The following SLC35F5 variants were observed in gnomAD, a reference collection of about 807,000 sequenced individuals.
The protein encoded by SLC35F5 is HCV NS5A-transactivated protein 3.
Under a neutral mutation model 68.6 loss-of-function variants are expected in SLC35F5, and 54 were observed. The observed-to-expected ratio is 0.79, with a 90% CI of 0.63 to 0.99. The LOEUF is 0.99. Ranked by LOEUF, SLC35F5 falls within the 50% of genes least tolerant of loss-of-function variation. The pLI is 0.00. For missense variants in SLC35F5, 567 were observed against 626.9 expected, an observed-to-expected ratio of 0.90 and a Z score of 1.02; for synonymous variants, 211 against 205.2, an observed-to-expected ratio of 1.03 and a Z score of -0.24.
At chr2:113,754,466 T>G (rs906344731) in intron 3 of SLC35F5, among the ~76,000 whole-genome samples, 1 of 152,182 alleles carries the variant, frequency 6.6e-6, no homozygotes, top group African/African-American at 2.4e-5. Flanking sequence ...AATTGCAACG[T>G]AGAAGTTGAA....
At position 113,742,539 on chromosome 2, in the gene SLC35F5, A is replaced by AC. The variant is rs574893240; in HGVS notation, c.750+152dup. 1.8e-4 allele frequency: 125 copies of AC among 693,702 alleles called. No individual in the cohort carries two copies. The African/African-American group carries it at 2.2e-3, about 12-fold the overall frequency. 43.0% of individuals were successfully genotyped at this position (693,702 alleles called of 1,614,324 possible). ...ATATCAAGCATTTATTAATTTTGAT[A>AC]CCCTAACTTCCTACCGGTATCAAAT... is the stretch of plus-strand genomic sequence containing the variant. On this transcript the variant is annotated intron_variant, in intron 7 of 15. Transcript: ENST00000245680.
chr2:113,755,798 C>G lies in SLC35F5; in HGVS notation c.41-254G>C, dbSNP rs1462541308. 4 of 1,495,606 alleles carry G rather than the reference C, an allele frequency of 2.7e-6. No homozygotes were observed. In the East Asian group the frequency reaches 9.8e-5, roughly 37 times the overall value. The allele number at this position is 1,495,606 out of a possible 1,614,324, so 92.6% of individuals were successfully genotyped here. A position where few individuals can be genotyped will look rare whatever the true frequency, so the allele number is the denominator to read the frequency against. On this transcript the variant is annotated intron_variant, in intron 1 of 15. Transcript: ENST00000245680. ...ATACAACATACGGCACATTTAAGAA[C>G]AGTTAACTACCAGAAAATAGCTTCT...
In SLC35F5 at chr2:113,734,630, AC is replaced by A; in HGVS notation, c.875del (p.Ser292MetfsTer11). On this transcript the variant is annotated frameshift_variant, in exon 9 of 16. Coordinates refer to ENST00000245680, the MANE Select transcript of SLC35F5 (RefSeq NM_025181.5). LOFTEE classifies it high-confidence loss of function. ...LILAAVFPSNSGDRFTLSKLL... is the reference protein window; with the variant it reads ...LILAAVFPSNXGDRFTLSKLL... ...GTTTAGAAAGGGTAAATCTATCTCC[AC>A]TGTTACTTGGAAATACTGCAGCAAG... 1 of 1,607,102 alleles carries A rather than the reference AC, an allele frequency of 6.2e-7. No individual in the cohort carries two copies. The highest frequency in any genetic ancestry group is 1.1e-5 in the South Asian group (1 of 90,646).
chr2:113,730,984 A>T (rs2104436179), intron 10 of SLC35F5, among the ~76,000 whole-genome samples: 1 of 152,332 alleles, frequency 6.6e-6, no homozygotes, highest in Admixed American at 6.5e-5. Flanking sequence ...CTTAAAATTA[A>T]CATTACCAGC....
At position 113,725,533 on chromosome 2, in the gene SLC35F5, A is replaced by G. The variant is rs1376272333; in HGVS notation, c.1095T>C (p.Phe365=). 6.3e-7 allele frequency: 1 copy of G among 1,577,480 alleles called. No homozygotes were observed. Among genetic ancestry groups the G allele is most frequent in the Non-Finnish European group, 8.5e-7 (1 of 1,170,788 alleles). The change falls in exon 12 of 16, where the codon TTT becomes TTC. Residue 365 remains phenylalanine, a synonymous_variant. Coordinates refer to ENST00000245680, the MANE Select transcript of SLC35F5 (RefSeq NM_025181.5). ...DKLDIPMFFG[F]VGLFNLLLLW... Reference sequence around the variant, plus strand: ...AGAGCAGCAGATTAAACAAACCTACAAAACCTGAACATGTATAAAAGAGAC... The same window carrying G: ...AGAGCAGCAGATTAAACAAACCTACGAAACCTGAACATGTATAAAAGAGAC...
chr2:113,753,310 C>A (rs1431365472), intron 3 of SLC35F5, among the ~76,000 whole-genome samples: 1 of 149,320 alleles, frequency 6.7e-6, no homozygotes, highest in Non-Finnish European at 1.5e-5. Flanking sequence ...TCCAGAGTAA[C>A]TGGGATTACA....
In SLC35F5 at chr2:113,709,055, C is replaced by A. The variant is rs905816630; in HGVS notation, c.*6163G>T. On this transcript the variant is annotated 3_prime_UTR_variant, in exon 16 of 16. Coordinates refer to ENST00000245680, the MANE Select transcript of SLC35F5 (RefSeq NM_025181.5). Reference sequence around the variant, plus strand: ...AAACCTTATTTAAGGAGTCAAGATGCTGAACACCCTAACAAAAGCAAAAAC... The same window carrying A: ...AAACCTTATTTAAGGAGTCAAGATGATGAACACCCTAACAAAAGCAAAAAC... Among the ~76,000 whole-genome samples the A allele has an allele frequency of 1.3e-5, 2 of 152,236 alleles. No homozygotes were observed. Among genetic ancestry groups the A allele is most frequent in the Non-Finnish European group, 1.5e-5 (1 of 68,048 alleles).
chr2:113,730,019 T>G (rs1375183175), intron 10 of SLC35F5, among the ~76,000 whole-genome samples: 2 of 152,206 alleles, frequency 1.3e-5, no homozygotes, highest in Non-Finnish European at 2.9e-5. Context: ...CAAAGCATCC[T>G]CTTTCTAATC....
chr2:113,751,804 C>G (rs1381036833), intron 3 of SLC35F5, among the ~76,000 whole-genome samples: 1 of 136,758 alleles, frequency 7.3e-6, no homozygotes. Flanking sequence ...CAGCGTGAGA[C>G]TCTGTCCCCA....
Position 113,745,940 on chromosome 2 carries a change from T to C in SLC35F5, c.480+337A>G, listed in dbSNP as rs113883031. ...GGAACAAACGAATAATTTGCCTATA[T>C]AGTCTCAGTGTCAAAAATATTTGTT... On this transcript the variant is annotated intron_variant, in intron 5 of 15. Transcript: ENST00000245680. 1.6e-3 allele frequency among the ~76,000 whole-genome samples: 241 copies of C among 152,302 alleles called. 1 individual carries two copies. The highest frequency in any genetic ancestry group is 5.6e-3 in the African/African-American group (231 of 41,564).
intron 3 of SLC35F5, among the ~76,000 whole-genome samples, chr2:113,752,237 T>C (rs959652567): frequency 4.0e-5 from 6 of 150,276 alleles, no homozygotes; most frequent in African/African-American, 1.5e-4. Context: ...AAAAAAAGAT[T>C]AATAAGGCCA....
At chr2:113,718,285 G>A (rs984420820) in intron 14 of SLC35F5, among the ~76,000 whole-genome samples, 2 of 151,836 alleles carry the variant, frequency 1.3e-5, no homozygotes, top group African/African-American at 2.4e-5. Context: ...ACAGGGTCTT[G>A]ATATGTTGCC....
chr2:113,740,379 G>A (rs1299760277), intron 7 of SLC35F5, among the ~76,000 whole-genome samples: 1 of 152,128 alleles, frequency 6.6e-6, no homozygotes, highest in Admixed American at 6.6e-5. Flanking sequence ...CTCTTCCTTG[G>A]AAAAAGCAAA....
chr2:113,751,195 A>G (rs1676722590), intron 3 of SLC35F5, among the ~76,000 whole-genome samples: 1 of 152,138 alleles, frequency 6.6e-6, no homozygotes, highest in African/African-American at 2.4e-5. Flanking sequence ...GCCCTTGGGG[A>G]GCTTAACATC....
chr2:113,723,304 A>T lies in SLC35F5; in HGVS notation c.1251-110T>A, dbSNP rs73955056. On this transcript the variant is annotated intron_variant, in intron 12 of 15. Transcript: ENST00000245680. ...TAGGCCTGTGAGATCAGGAGCAAAG[A>T]TAAGAGGCTAGGATGGATTGAAACA... 2.0e-5 allele frequency: 11 copies of T among 546,000 alleles called. No homozygotes were observed. In the East Asian group the frequency reaches 2.0e-4, roughly 10 times the overall value. The allele number at this position is 546,000 out of a possible 1,614,324, so 33.8% of individuals were successfully genotyped here.
chr2:113,753,063 G>A (rs1016164917), intron 3 of SLC35F5, among the ~76,000 whole-genome samples: 5 of 151,268 alleles, frequency 3.3e-5, no homozygotes, highest in Admixed American at 3.3e-4. Flanking sequence ...ACGAATACAT[G>A]GAGACTCATT....
rs1686867577 is a variant in SLC35F5 at position 113,708,531 on chromosome 2, C to T, written c.*6687G>A. Among the ~76,000 whole-genome samples, 2 of 151,954 alleles carry T rather than the reference C, an allele frequency of 1.3e-5. No homozygotes were observed. Among genetic ancestry groups the T allele is most frequent in the Non-Finnish European group, 1.5e-5 (1 of 67,976 alleles). ...ACCAACCTGGCCAACATGGTAAAAC[C>T]TCCTCTCTACTATAAATACAAAAAA... On this transcript the variant is annotated 3_prime_UTR_variant, in exon 16 of 16. Transcript: ENST00000245680.
intron 6 of SLC35F5, among the ~76,000 whole-genome samples, chr2:113,743,410 T>C (rs1676361632): frequency 6.6e-6 from 1 of 152,194 alleles, no homozygotes; most frequent in African/African-American, 2.4e-5. Flanking sequence ...TTTGAGGGCA[T>C]ATTTAAGAGG....
In SLC35F5 at chr2:113,720,135, C is replaced by T. The variant is rs571753368; in HGVS notation, c.1342-827G>A. 3.3e-5 allele frequency among the ~76,000 whole-genome samples: 5 copies of T among 150,812 alleles called. No homozygotes were observed. In the South Asian group the frequency reaches 1.1e-3, roughly 32 times the overall value. On this transcript the variant is annotated intron_variant, in intron 13 of 15. Transcript: ENST00000245680. ...CCATCCAAAACAAAACTCATTCTTC[C>T]CTTTCACTAGTTCACTTTTACCATC...
Sources: allele counts gnomAD v4.1 joint callset (sites outside exome capture counted in the v4.1 genomes callset), GRCh38; gene constraint gnomAD v4.1.1; transcripts MANE v1.5; gene names NCBI Gene and HGNC (gene_info 2026-07-23, HGNC 2026-07-21).